IGSF9B: variants seen among roughly 807,000 people sequenced by gnomAD.
IGSF9B encodes the protein protein turtle homolog B.
In IGSF9B, 48 loss-of-function variants were observed where a neutral mutation model predicts 143.7. The ratio of observed to expected loss-of-function variants is 0.33; its 90% CI spans 0.26 to 0.42. The LOEUF is 0.42. IGSF9B is among the 20% of genes least tolerant of loss of function. The pLI, the probability that IGSF9B is intolerant of heterozygous loss-of-function variation, is 1.00. For missense variants in IGSF9B, 1,706 were observed against 1,980.0 expected (o/e 0.86, Z 2.63); for synonymous variants, 903 against 833.1 (o/e 1.08, Z -1.44).
At position 133,921,212 on chromosome 11, in the gene IGSF9B, T is replaced by A; in HGVS notation, c.2513A>T (p.Glu838Val). 6.2e-7 allele frequency: 1 copy of A among 1,609,476 alleles called. No individual in the cohort carries two copies. Among genetic ancestry groups the A allele is most frequent in the East Asian group, 2.2e-5 (1 of 44,770 alleles). ...GGGCGTGGTGGCCTCTGCCTCGGCC[T>A]CTGCCTTGGCCACGCTGTACTTCTT... Reference protein sequence around the residue: ...SSKKYSVAKAEAEAEATTPIE... With the variant: ...SSKKYSVAKAVAEAEATTPIE... Residue 838 changes from glutamate to valine, a missense_variant, in exon 18 of 20, where the codon GAG (glutamate) becomes GTG (valine). Physicochemically the swap from Glu to Val is moderately radical, Grantham distance 121 (BLOSUM62 -2). Around this residue, in one of 7 missense-constraint regions of IGSF9B, gnomAD observed 135 missense variants for 181.3 expected, o/e 0.74. Coordinates refer to ENST00000533871, the MANE Select transcript of IGSF9B (RefSeq NM_001277285.4).
At chr11:133,956,346 G>A (rs955431857) in intron 1 of IGSF9B, among the ~76,000 whole-genome samples, 1 of 152,154 alleles carries the variant, frequency 6.6e-6, no homozygotes, top group Non-Finnish European at 1.5e-5. Flanking sequence ...AGCTCTGGGA[G>A]GCGGCCGCCG....
At chr11:133,929,583 TC>T (rs1229248580) in intron 12 of IGSF9B, 87 bp downstream of exon 12, 6 of 952,194 alleles carry the variant, frequency 6.3e-6, no homozygotes, top group Non-Finnish European at 8.4e-6. Context: ...TCCTCCTACC[TC>T]CCCCCACCCG....
At chr11:133,950,297 C>T (rs945157361) in intron 1 of IGSF9B, among the ~76,000 whole-genome samples, 12 of 152,194 alleles carry the variant, frequency 7.9e-5, no homozygotes, top group East Asian at 1.9e-4. Context: ...GGAGCAGGGC[C>T]GGGCGAGCAT....
intron 1 of IGSF9B, among the ~76,000 whole-genome samples, chr11:133,954,215 G>A (rs1193897395): frequency 6.6e-6 from 1 of 152,156 alleles, no homozygotes; most frequent in East Asian, 1.9e-4. Flanking sequence ...TCCAGAGGCT[G>A]TGTGTTGCAA....
rs186311313 is a variant in IGSF9B at position 133,921,770 on chromosome 11, G to C, written c.2328-373C>G. Among the ~76,000 whole-genome samples, 349 of 152,000 alleles carry C rather than the reference G, an allele frequency of 2.3e-3. 1 individual carries two copies. The highest frequency in any genetic ancestry group is 8.1e-3 in the African/African-American group (335 of 41,422). On this transcript the variant is annotated intron_variant, in intron 17 of 19. Coordinates refer to ENST00000533871, the MANE Select transcript of IGSF9B (RefSeq NM_001277285.4). Reference sequence around the variant, plus strand: ...TTTTGTGCTGGCCTGCCCCCTCTCTGCTGTGCTCTAAGCACACCTCCAGCT... The same window carrying C: ...TTTTGTGCTGGCCTGCCCCCTCTCTCCTGTGCTCTAAGCACACCTCCAGCT...
At chr11:133,956,627 G>A in intron 1 of IGSF9B, 64 bp downstream of exon 1, 1 of 1,122,156 alleles carries the variant, frequency 8.9e-7, no homozygotes, top group Non-Finnish European at 1.3e-6. Flanking sequence ...GAAACCGAGG[G>A]GCCGGGCGCG....
intron 6 of IGSF9B, 44 bp downstream of exon 6, chr11:133,936,009 G>C: frequency 6.2e-7 from 1 of 1,603,222 alleles, no homozygotes; most frequent in Non-Finnish European, 8.5e-7. Context: ...GCCCGTGGGG[G>C]CTGGGGTGGC....
intron 19 of IGSF9B, among the ~76,000 whole-genome samples, chr11:133,910,599 C>A (rs896303338): frequency 1.3e-5 from 2 of 152,136 alleles, no homozygotes; most frequent in African/African-American, 4.8e-5. Flanking sequence ...ATCAATAACT[C>A]TGCTTTAGAC....
At position 133,920,802 on chromosome 11, in the gene IGSF9B, G is replaced by GGCT. The variant is rs773203344; in HGVS notation, c.2920_2922dup (p.Ser974dup). 2 of 1,607,816 alleles carry GGCT rather than the reference G, an allele frequency of 1.2e-6. No individual in the cohort carries two copies. The highest frequency in any genetic ancestry group is 1.7e-6 in the Non-Finnish European group (2 of 1,177,084). The stretch of plus-strand genomic sequence containing the variant: ...AACGGGGGCGGCTCCACCTCCCCAG[G>GGCT]GCTGCTGCTGCTGAGGTACCCATAA... On this transcript the variant is annotated inframe_insertion, in exon 18 of 20. Coordinates refer to ENST00000533871, the MANE Select transcript of IGSF9B (RefSeq NM_001277285.4).
In IGSF9B at chr11:133,903,267, C is replaced by T. The variant is rs1939168422; in HGVS notation, c.*5802G>A. ...CCGAAAGAAAGGCAGGCCCAGGCAG[C>T]CATTCACGTCCCCATCTAGTGTGAT... On this transcript the variant is annotated 3_prime_UTR_variant, in exon 20 of 20. Transcript: ENST00000533871. Among the ~76,000 whole-genome samples, 1 of 152,004 alleles carries T rather than the reference C, an allele frequency of 6.6e-6. No individual in the cohort carries two copies. Among genetic ancestry groups the T allele is most frequent in the South Asian group, 2.1e-4 (1 of 4,798 alleles).
intron 5 of IGSF9B, 98 bp downstream of exon 5, chr11:133,937,278 C>T: frequency 8.4e-6 from 7 of 835,906 alleles, no homozygotes; most frequent in Non-Finnish European, 1.1e-5. Flanking sequence ...CCTCCACTAG[C>T]CCCAGCTGAG....
chr11:133,954,440 G>A (rs1940215511), intron 1 of IGSF9B, among the ~76,000 whole-genome samples: 2 of 152,080 alleles, frequency 1.3e-5, no homozygotes, highest in Admixed American at 6.5e-5. Flanking sequence ...GAACTTCCCC[G>A]CAACACATTC....
At position 133,920,962 on chromosome 11, in the gene IGSF9B, G is replaced by C; in HGVS notation, c.2763C>G (p.Ser921=). 1 of 1,610,704 alleles carries C rather than the reference G, an allele frequency of 6.2e-7. No individual in the cohort carries two copies. Among genetic ancestry groups the C allele is most frequent in the Non-Finnish European group, 8.5e-7 (1 of 1,178,344 alleles). Residue 921 remains serine (S), a synonymous_variant, in exon 18 of 20, where the codon TCC becomes TCG. Coordinates refer to ENST00000533871, the MANE Select transcript of IGSF9B (RefSeq NM_001277285.4). The part of the protein sequence containing the change: ...QLTPLSSSQE[S]YLPPPAYSPR... The stretch of plus-strand genomic sequence containing the variant: ...GGCTGTATGCTGGTGGTGGCAGGTA[G>C]GACTCCTGGCTGGATGACAGAGGGG...
At chr11:133,915,444 ATT>A (rs994088756) in intron 18 of IGSF9B, among the ~76,000 whole-genome samples, 2 of 150,982 alleles carry the variant, frequency 1.3e-5, no homozygotes, top group East Asian at 3.9e-4. Context: ...ATTTTTTTGT[ATT>A]TTTTTGCAGA....
rs1234601426 is a variant in IGSF9B, at chr11:133,907,324, C to T, written c.*1745G>A. On this transcript the variant is annotated 3_prime_UTR_variant, in exon 20 of 20. Coordinates refer to ENST00000533871, the MANE Select transcript of IGSF9B (RefSeq NM_001277285.4). Reference sequence around the variant, plus strand: ...AAGAAGAGACAGCAGCCATCCAAGGCCTCATCCTGCGAGGTCACTGGGCCA... The same window carrying T: ...AAGAAGAGACAGCAGCCATCCAAGGTCTCATCCTGCGAGGTCACTGGGCCA... Among the ~76,000 whole-genome samples the T allele has an allele frequency of 1.3e-5, 2 of 152,220 alleles. No individual in the cohort carries two copies. Among genetic ancestry groups the T allele is most frequent in the African/African-American group, 4.8e-5 (2 of 41,456 alleles).
Position 133,902,392 on chromosome 11 carries a change from AATAC to A in IGSF9B, c.*6673_*6676del, listed in dbSNP as rs1939149166. 7.0e-6 allele frequency among the ~76,000 whole-genome samples: 1 copy of A among 142,872 alleles called. No individual in the cohort carries two copies. The highest frequency in any genetic ancestry group is 1.5e-5 in the Non-Finnish European group (1 of 65,506). The allele number at this position is 142,872 out of a possible 152,430, so 93.7% of individuals were successfully genotyped here. ...ACACACCACACACAACACACCACAC[AATAC>A]GCACAACACATACCACACACAATAC... On this transcript the variant is annotated 3_prime_UTR_variant, in exon 20 of 20. Transcript: ENST00000533871.
chr11:133,936,145 G>C lies in IGSF9B; in HGVS notation c.729C>G (p.Ser243=). 6.2e-7 allele frequency: 1 copy of C among 1,612,730 alleles called. No homozygotes were observed. The highest frequency in any genetic ancestry group is 8.5e-7 in the Non-Finnish European group (1 of 1,179,382). The change falls in exon 6 of 20, where the codon TCC becomes TCG. Residue 243 remains serine (S), a synonymous_variant. Transcript: ENST00000533871. ...CCCGGCAGGTGAGCAGAGCATCCTG[G>C]GAGATGTTGACGGTGATGTTCTCAG... is the stretch of plus-strand genomic sequence containing the variant. The part of the protein sequence containing the change: ...SPPENITVNI[S]QDALLTCRAE...
chr11:133,951,074 C>A (rs760917838), intron 1 of IGSF9B, among the ~76,000 whole-genome samples: 1 of 152,102 alleles, frequency 6.6e-6, no homozygotes, highest in Non-Finnish European at 1.5e-5. Context: ...TCCAGGAAGC[C>A]GGCAGACCCG....
intron 12 of IGSF9B, among the ~76,000 whole-genome samples, chr11:133,927,944 C>A (rs544394263): frequency 6.6e-6 from 1 of 152,168 alleles, no homozygotes; most frequent in Non-Finnish European, 1.5e-5. Flanking sequence ...AAGAAGCCGG[C>A]GCCAAACGTC....
Sources: gnomAD v4.1 joint callset for allele counts (sites outside exome capture counted in the v4.1 genomes callset) on GRCh38, gnomAD v4.1.1 for gene constraint, gnomAD v4.1.1 regional missense constraint, MANE v1.5 for transcripts, NCBI Gene and HGNC (gene_info 2026-07-23, HGNC 2026-07-21) for gene names.